Variants in VPS13B observed in about 807,000 individuals in gnomAD.
VPS13B encodes vacuolar protein sorting 13 homolog B, also known as intermembrane lipid transfer protein VPS13B.
In VPS13B, 285 loss-of-function variants were observed where a neutral mutation model predicts 426.4. The observed-to-expected ratio is 0.67, with a 90% CI of 0.61 to 0.74. VPS13B has a LOEUF of 0.74. VPS13B is among the 30% of genes least tolerant of loss of function. The probability of loss-of-function intolerance (pLI) is 0.00; values close to 1 mark genes in which losing one functional copy is unlikely to be tolerated. For synonymous variants in VPS13B, 1,676 were observed against 1,676.4 expected (o/e 1.00, Z 0.01); for missense variants, 4,537 against 4,782.6 (o/e 0.95, Z 1.51).
chr8:99,871,282 G>A (rs987443927), intron 60 of VPS13B, 166 bp from the exon 61 acceptor site: 1 of 1,072,438 alleles, frequency 9.3e-7, no homozygotes, highest in Non-Finnish European at 1.4e-6. Flanking sequence ...CTGTTAATCA[G>A]AATCAGTCTG....
chr8:99,110,687 T>A (rs992154231), intron 5 of VPS13B, among the ~76,000 whole-genome samples: 23 of 152,088 alleles, frequency 1.5e-4, no homozygotes, highest in Middle Eastern at 3.4e-3. Flanking sequence ...GAGTTTTTTT[T>A]AATATAAAAT....
intron 30 of VPS13B, among the ~76,000 whole-genome samples, chr8:99,544,664 G>T (rs1823857104): frequency 6.6e-6 from 1 of 151,346 alleles, no homozygotes; most frequent in Admixed American, 6.7e-5. Flanking sequence ...CTGATGAAAT[G>T]AGAAATTGTA....
chr8:99,808,363 C>A (rs1813512647), intron 43 of VPS13B, among the ~76,000 whole-genome samples: 1 of 151,826 alleles, frequency 6.6e-6, no homozygotes, highest in South Asian at 2.1e-4. Flanking sequence ...ACTAAAAATA[C>A]AAAAATTAGC....
chr8:99,577,153 A>G (rs1588511747), intron 32 of VPS13B, among the ~76,000 whole-genome samples: 1 of 152,184 alleles, frequency 6.6e-6, no homozygotes, highest in Non-Finnish European at 1.5e-5. Context: ...GAACAAGATT[A>G]TGCTACACAA....
At chr8:99,024,480 T>C (rs1267457265) in intron 2 of VPS13B, among the ~76,000 whole-genome samples, 1 of 152,262 alleles carries the variant, frequency 6.6e-6, no homozygotes, top group Non-Finnish European at 1.5e-5. Flanking sequence ...TTTTTGTATA[T>C]GGTGAGAGAT....
At chr8:99,519,386 C>T (rs1822252168) in intron 29 of VPS13B, among the ~76,000 whole-genome samples, 1 of 152,154 alleles carries the variant, frequency 6.6e-6, no homozygotes, top group Non-Finnish European at 1.5e-5. Flanking sequence ...TTGTGGAAGT[C>T]AGTGTGGCAA....
chr8:99,042,085 T>G (rs1018039544), intron 3 of VPS13B, among the ~76,000 whole-genome samples: 1 of 147,842 alleles, frequency 6.8e-6, no homozygotes, highest in Non-Finnish European at 1.5e-5. Flanking sequence ...GGTTGTGGTG[T>G]GCAGAGGCCG....
rs142016499 is a variant in VPS13B at position 99,691,292 on chromosome 8, G to T, written c.6047-8233G>T. On this transcript the variant is annotated intron_variant, in intron 35 of 61. Transcript: ENST00000357162. Reference sequence around the variant, plus strand: ...GTGTGTGTTGATTATGATGTTCTGGGATTAGACAGTGGTGATGGTTGCACA... The same window carrying T: ...GTGTGTGTTGATTATGATGTTCTGGTATTAGACAGTGGTGATGGTTGCACA... Among the ~76,000 whole-genome samples the T allele has an allele frequency of 1.9e-4, 29 of 151,728 alleles. No homozygotes were observed. In the East Asian group the frequency reaches 5.4e-3, roughly 28 times the overall value.
intron 37 of VPS13B, 91 bp downstream of exon 37, chr8:99,717,464 G>A: frequency 1.6e-6 from 2 of 1,224,058 alleles, no homozygotes; most frequent in Middle Eastern, 1.9e-4. Flanking sequence ...AAATCTTTGT[G>A]TGGTAAGAAA....
chr8:99,519,481 T>C (rs1179358297), intron 29 of VPS13B, among the ~76,000 whole-genome samples: 2 of 152,162 alleles, frequency 1.3e-5, no homozygotes, highest in Non-Finnish European at 2.9e-5. Context: ...TAAATTATGC[T>C]GCTATAAAGA....
chr8:99,233,340 G>T, intron 17 of VPS13B: 5 of 1,055,964 alleles, frequency 4.7e-6, no homozygotes, highest in Non-Finnish European at 7.4e-6. Context: ...CTTCTTTGGG[G>T]TTAAAGAAGT....
intron 35 of VPS13B, among the ~76,000 whole-genome samples, chr8:99,687,511 T>C (rs1205861095): frequency 6.6e-6 from 1 of 152,028 alleles, no homozygotes; most frequent in Admixed American, 6.6e-5. Flanking sequence ...ACTCAGGTTC[T>C]GCCCACAGGA....
chr8:99,578,588 T>C (rs1825885210), intron 33 of VPS13B, among the ~76,000 whole-genome samples: 1 of 152,126 alleles, frequency 6.6e-6, no homozygotes. Context: ...AAAAGGACTT[T>C]AGAACTACAT....
At chr8:99,607,948 C>G (rs955246804) in intron 33 of VPS13B, among the ~76,000 whole-genome samples, 3 of 151,948 alleles carry the variant, frequency 2.0e-5, no homozygotes, top group Non-Finnish European at 4.4e-5. Flanking sequence ...TAATGTATGC[C>G]TTAATGAAAG....
chr8:99,106,525 A>C (rs1847059542), intron 5 of VPS13B, among the ~76,000 whole-genome samples: 1 of 152,132 alleles, frequency 6.6e-6, no homozygotes, highest in South Asian at 2.1e-4. Context: ...ATACTCTTGT[A>C]ACCACCACCA....
chr8:99,754,007 C>T (rs1188197674), intron 39 of VPS13B, among the ~76,000 whole-genome samples: 1 of 150,716 alleles, frequency 6.6e-6, no homozygotes, highest in Non-Finnish European at 1.5e-5. Flanking sequence ...AAGAGTAGAT[C>T]ACATTAAAAT....
rs58708195 is a variant in VPS13B, at chr8:99,303,730, C to CAAAAAAAAAAAAA, written c.2824+28485_2824+28497dup. Among the ~76,000 whole-genome samples, 17 of 63,702 alleles carry CAAAAAAAAAAAAA rather than the reference C, an allele frequency of 2.7e-4. 1 individual carries two copies. The highest frequency in any genetic ancestry group is 6.4e-4 in the African/African-American group (9 of 14,136). The allele number at this position is 63,702 out of a possible 152,430, so 41.8% of individuals were successfully genotyped here. A position where few individuals can be genotyped will look rare whatever the true frequency, so the allele number is the denominator to read the frequency against. ...GGTGAGACAGAGTGAGACTCCGTCT[C>CAAAAAAAAAAAAA]AAAAAAAAAAAAAAAAAAAAAGAAT... On this transcript the variant is annotated intron_variant, in intron 19 of 61. Transcript: ENST00000357162.
intron 19 of VPS13B, among the ~76,000 whole-genome samples, chr8:99,298,330 AAC>A (rs1820158810): frequency 2.6e-5 from 4 of 152,090 alleles, no homozygotes; most frequent in Admixed American, 2.6e-4. Context: ...CTCTACTAAA[AAC>A]ACAAAATTAA....
intron 35 of VPS13B, among the ~76,000 whole-genome samples, chr8:99,678,320 G>A (rs1831024443): frequency 6.6e-6 from 1 of 152,064 alleles, no homozygotes; most frequent in Non-Finnish European, 1.5e-5. Flanking sequence ...CTTCTCTGGT[G>A]TAGGCTTAAT....
Sources: allele counts gnomAD v4.1 joint callset (sites outside exome capture counted in the v4.1 genomes callset), GRCh38; gene constraint gnomAD v4.1.1; transcripts MANE v1.5; gene names NCBI Gene and HGNC (gene_info 2026-07-23, HGNC 2026-07-21).